TIA1: variants seen among roughly 807,000 people sequenced by gnomAD.
TIA1 encodes cytotoxic granule associated RNA binding protein TIA1.
A neutral mutation model predicts 65.9 loss-of-function variants in TIA1; 23 were observed. The observed-to-expected ratio is 0.35, with a 90% CI of 0.25 to 0.49. The LOEUF (loss-of-function observed/expected upper bound fraction) is 0.49. TIA1 is among the 20% of genes least tolerant of loss of function. TIA1 has a pLI of 0.98. For synonymous variants in TIA1, 147 were observed against 149.4 expected (o/e 0.98, Z 0.12); for missense variants, 371 against 477.9 (o/e 0.78, Z 2.09).
At position 70,232,903 on chromosome 2, in the gene TIA1, T is replaced by C. The variant is rs1425305626; in HGVS notation, c.124-2049A>G. Among the ~76,000 whole-genome samples, 7 of 152,028 alleles carry C rather than the reference T, an allele frequency of 4.6e-5. No individual in the cohort carries two copies. The East Asian group carries it at 1.2e-3, about 25-fold the overall frequency. On this transcript the variant is annotated intron_variant, in intron 2 of 12. Coordinates refer to ENST00000433529, the MANE Select transcript of TIA1 (RefSeq NM_022173.4). ...ACAAAACTTCCCTTTTCTGCTGGTG[T>C]TCCAGGTAGGTGAGGCTATGTGATA...
chr2:70,218,495 G>A (rs1010866982), intron 7 of TIA1, among the ~76,000 whole-genome samples: 1 of 152,086 alleles, frequency 6.6e-6, no homozygotes, highest in Non-Finnish European at 1.5e-5. Flanking sequence ...GCAGTGGCGC[G>A]TTCTTGGCTC....
chr2:70,216,574 A>G lies in TIA1; in HGVS notation c.584-75T>C, dbSNP rs913922591. 3.5e-6 allele frequency: 5 copies of G among 1,414,658 alleles called. No individual in the cohort carries two copies. The Admixed American group carries it at 5.6e-5, about 16-fold the overall frequency. The allele number at this position is 1,414,658 out of a possible 1,614,324, so 87.6% of individuals were successfully genotyped here. On this transcript the variant is annotated intron_variant, in intron 8 of 12. Coordinates refer to ENST00000433529, the MANE Select transcript of TIA1 (RefSeq NM_022173.4). ...GAAAGAGAAAAGTAGCATTCACTAC[A>G]CTACTGTAAAGGTAACATTAACCTT...
chr2:70,213,081 G>A (rs999416646), intron 12 of TIA1, among the ~76,000 whole-genome samples: 1 of 152,062 alleles, frequency 6.6e-6, no homozygotes, highest in Non-Finnish European at 1.5e-5. Context: ...AGAAATTAAA[G>A]CTAAGAAAAT....
chr2:70,214,596 A>G (rs1269221292), intron 11 of TIA1, 102 bp from the exon 12 acceptor site: 1 of 891,040 alleles, frequency 1.1e-6, no homozygotes, highest in East Asian at 3.1e-5. Flanking sequence ...GGCCATCATT[A>G]CAATTAAAAT....
At chr2:70,217,113 A>C in intron 7 of TIA1, 119 bp from the exon 8 acceptor site, 3 of 905,780 alleles carry the variant, frequency 3.3e-6, no homozygotes, top group Non-Finnish European at 4.8e-6. Context: ...TGCTCTATGA[A>C]ATACACAACA....
intron 2 of TIA1, among the ~76,000 whole-genome samples, chr2:70,231,913 T>C (rs1363484931): frequency 1.3e-5 from 2 of 152,114 alleles, no homozygotes; most frequent in African/African-American, 4.8e-5. Flanking sequence ...TTTAAAAAAT[T>C]ATCTTCCCGC....
intron 2 of TIA1, among the ~76,000 whole-genome samples, chr2:70,234,997 G>C (rs1195976717): frequency 3.3e-5 from 5 of 151,938 alleles, no homozygotes; most frequent in Non-Finnish European, 7.4e-5. Flanking sequence ...TAGCAGGCTG[G>C]GTGCAATGGC....
chr2:70,215,580 C>A, intron 10 of TIA1, 86 bp from the exon 11 acceptor site: 1 of 1,300,094 alleles, frequency 7.7e-7, no homozygotes, highest in Non-Finnish European at 1.0e-6. Flanking sequence ...CAAGGTGAGT[C>A]TGAGGTAAAA....
intron 1 of TIA1, among the ~76,000 whole-genome samples, chr2:70,237,507 C>A (rs1689514220): frequency 6.6e-6 from 1 of 152,144 alleles, no homozygotes; most frequent in South Asian, 2.1e-4. Context: ...CGTTTCCAGG[C>A]TTACCTTAGG....
Position 70,225,085 on chromosome 2 carries a change from CTAAT to C in TIA1, c.399-460_399-457del, listed in dbSNP as rs762763999. ...ATGAAAAAGTTGTATATTCCCTAAACTAATTAAACTATTTAATTTTTTCAGATCA... is the reference window on the plus strand; with the variant it reads ...ATGAAAAAGTTGTATATTCCCTAAACTAAACTATTTAATTTTTTCAGATCA... On this transcript the variant is annotated intron_variant, in intron 6 of 12. Coordinates refer to ENST00000433529, the MANE Select transcript of TIA1 (RefSeq NM_022173.4). The C allele has an allele frequency of 1.6e-4, 160 of 990,744 alleles. No individual in the cohort carries two copies. The Middle Eastern group carries it at 4.6e-3, about 28-fold the overall frequency. 61.4% of individuals were successfully genotyped at this position (990,744 alleles called of 1,614,324 possible). A position where few individuals can be genotyped will look rare whatever the true frequency, so the allele number is the denominator to read the frequency against.
chr2:70,220,072 T>C lies in TIA1; in HGVS notation c.475-3078A>G, dbSNP rs184138935. On this transcript the variant is annotated intron_variant, in intron 7 of 12. Coordinates refer to ENST00000433529, the MANE Select transcript of TIA1 (RefSeq NM_022173.4). The stretch of plus-strand genomic sequence containing the variant: ...CGAAGTAATTAAGATGAGGTTATAC[T>C]GGATTAAGGTGGGCCCCAAATCCAA... Among the ~76,000 whole-genome samples, 144 of 152,238 alleles carry C rather than the reference T, an allele frequency of 9.5e-4. 2 individuals carry two copies. The East Asian group carries it at 0.025, about 27-fold the overall frequency.
rs1676422433 is a variant in TIA1, at chr2:70,211,268, A to T, written c.*1451T>A. On this transcript the variant is annotated 3_prime_UTR_variant, in exon 13 of 13. Coordinates refer to ENST00000433529, the MANE Select transcript of TIA1 (RefSeq NM_022173.4). ...TACTAGAAATTTCAAAACTAGAACA[A>T]TGCCATCAAAGATTAAACCTCTTAA... 1 of 152,226 alleles carries T rather than the reference A, an allele frequency of 6.6e-6. No homozygotes were observed. Among genetic ancestry groups the T allele is most frequent in the African/African-American group, 2.4e-5 (1 of 41,454 alleles). 9.4% of individuals were successfully genotyped at this position (152,226 alleles called of 1,614,324 possible). A position where few individuals can be genotyped will look rare whatever the true frequency, so the allele number is the denominator to read the frequency against.
chr2:70,229,372 A>T, intron 3 of TIA1, 54 bp from the exon 4 acceptor site: 1 of 1,454,356 alleles, frequency 6.9e-7, no homozygotes, highest in Non-Finnish European at 9.5e-7. Context: ...GCCCAAAATC[A>T]CATTTGTATC....
intron 1 of TIA1, among the ~76,000 whole-genome samples, chr2:70,247,312 G>A (rs1020302449): frequency 6.6e-6 from 1 of 152,166 alleles, no homozygotes. Context: ...CAACTTAAAA[G>A]TGGAAAAATT....
intron 1 of TIA1, among the ~76,000 whole-genome samples, chr2:70,237,556 G>A (rs1275927166): frequency 6.6e-6 from 1 of 151,894 alleles, no homozygotes; most frequent in Admixed American, 6.6e-5. Flanking sequence ...ATCATCATTA[G>A]TTATATAAAA....
intron 1 of TIA1, among the ~76,000 whole-genome samples, chr2:70,238,919 G>T (rs1373830675): frequency 6.6e-6 from 1 of 151,894 alleles, no homozygotes; most frequent in South Asian, 2.1e-4. Context: ...AAAAATTAGC[G>T]GACATGGTGG....
Position 70,212,355 on chromosome 2 carries a change from C to T in TIA1, c.*364G>A. On this transcript the variant is annotated 3_prime_UTR_variant, in exon 13 of 13. Coordinates refer to ENST00000433529, the MANE Select transcript of TIA1 (RefSeq NM_022173.4). ...CATCTTTATATTACATGTTTTAAAT[C>T]ATATCAGGAATGCAAACTAGAACTG... is the stretch of plus-strand genomic sequence containing the variant. 1.2e-5 allele frequency: 2 copies of T among 168,346 alleles called. No individual in the cohort carries two copies. Among genetic ancestry groups the T allele is most frequent in the Non-Finnish European group, 2.6e-5 (2 of 76,918 alleles). 10.4% of individuals were successfully genotyped at this position (168,346 alleles called of 1,614,324 possible). A position where few individuals can be genotyped will look rare whatever the true frequency, so the allele number is the denominator to read the frequency against.
In TIA1 at chr2:70,216,386, C is replaced by G; in HGVS notation, c.679+18G>C. 6.2e-7 allele frequency: 1 copy of G among 1,601,096 alleles called. No homozygotes were observed. ...TTGCACTTTAAAAATTAATGCCACACAGGGAAGGCTCCCATACCTGTTAGC... is the reference window on the plus strand; with the variant it reads ...TTGCACTTTAAAAATTAATGCCACAGAGGGAAGGCTCCCATACCTGTTAGC... On this transcript the variant is annotated intron_variant, in intron 9 of 12. Coordinates refer to ENST00000433529, the MANE Select transcript of TIA1 (RefSeq NM_022173.4).
intron 6 of TIA1, chr2:70,225,506 C>A: frequency 1.8e-6 from 2 of 1,108,832 alleles, no homozygotes; most frequent in Non-Finnish European, 2.4e-6. Context: ...AGGCAATCTG[C>A]TTTTAAGTTA....
Sources: gnomAD v4.1 joint callset for allele counts (sites outside exome capture counted in the v4.1 genomes callset) on GRCh38, gnomAD v4.1.1 for gene constraint, MANE v1.5 for transcripts, NCBI Gene and HGNC (gene_info 2026-07-23, HGNC 2026-07-21) for gene names.